The following NME7 variants were observed in gnomAD, a reference collection of about 807,000 sequenced individuals.
NME7 encodes nucleoside diphosphate kinase 7.
Under a neutral mutation model 49.1 loss-of-function variants are expected in NME7, and 41 were observed. The ratio of observed to expected loss-of-function variants is 0.83; its 90% CI spans 0.65 to 1.08. NME7 has a LOEUF of 1.08. Ranked by LOEUF, NME7 falls within the 50% of genes least tolerant of loss-of-function variation. The probability of loss-of-function intolerance (pLI) is 0.00; values close to 1 mark genes in which losing one functional copy is unlikely to be tolerated. For synonymous variants in NME7, 139 were observed against 150.6 expected (o/e 0.92, Z 0.56); for missense variants, 423 against 463.4 (o/e 0.91, Z 0.80).
intron 10 of NME7, among the ~76,000 whole-genome samples, chr1:169,214,009 T>C (rs1660906806): frequency 6.6e-6 from 1 of 152,110 alleles, no homozygotes; most frequent in Admixed American, 6.5e-5. Flanking sequence ...TTCTAGTATG[T>C]ACAAGCATAT....
intron 11 of NME7, among the ~76,000 whole-genome samples, chr1:169,136,644 G>T (rs34847919): frequency 0.11 from 17,127 of 152,210 alleles, 2,197 homozygotes; most frequent in East Asian, 0.73. Flanking sequence ...TGCCATTCAT[G>T]TAACATATTC....
chr1:169,164,587 T>C (rs1002437134), intron 11 of NME7, among the ~76,000 whole-genome samples: 5 of 152,146 alleles, frequency 3.3e-5, no homozygotes, highest in East Asian at 1.9e-4. Context: ...TACACCACTA[T>C]AGTATAGGAA....
In NME7 at chr1:169,197,177, T is replaced by C. The variant is rs541776927; in HGVS notation, c.991-27623A>G. On this transcript the variant is annotated intron_variant, in intron 10 of 11. Coordinates refer to ENST00000367811, the MANE Select transcript of NME7 (RefSeq NM_013330.5). ...GCCTTAGGACCAAAATGAAATGTTC[T>C]ATATTTAACTGCTTTATAAATTGAA... is the stretch of plus-strand genomic sequence containing the variant. Among the ~76,000 whole-genome samples the C allele has an allele frequency of 2.0e-5, 3 of 152,302 alleles. No individual in the cohort carries two copies. The East Asian group carries it at 5.8e-4, about 29-fold the overall frequency.
At chr1:169,244,118 T>G (rs1412482182) in intron 7 of NME7, among the ~76,000 whole-genome samples, 1 of 152,186 alleles carries the variant, frequency 6.6e-6, no homozygotes, top group African/African-American at 2.4e-5. Context: ...GAATATATAC[T>G]ATAAAATCTT....
Position 169,275,074 on chromosome 1 carries a change from C to T in NME7, c.754+12229G>A, listed in dbSNP as rs1300257969. Among the ~76,000 whole-genome samples the T allele has an allele frequency of 1.5e-5, 2 of 132,638 alleles. 1 individual carries two copies. Among genetic ancestry groups the T allele is most frequent in the Non-Finnish European group, 3.5e-5 (2 of 56,668 alleles). The allele number at this position is 132,638 out of a possible 152,430, so 87.0% of individuals were successfully genotyped here. On this transcript the variant is annotated intron_variant, in intron 7 of 11. Transcript: ENST00000367811. The stretch of plus-strand genomic sequence containing the variant: ...ACCTTAGGCAGTATGGCCATTTTCA[C>T]GATATTGATTCTTCCCACCCATGAG...
chr1:169,290,525 A>G (rs566795949), intron 6 of NME7, among the ~76,000 whole-genome samples: 1 of 152,312 alleles, frequency 6.6e-6, no homozygotes, highest in Non-Finnish European at 1.5e-5. Flanking sequence ...CAAGATGGAT[A>G]AAGACATAAA....
intron 11 of NME7, among the ~76,000 whole-genome samples, chr1:169,154,846 TTAAA>T: frequency 6.6e-6 from 1 of 152,062 alleles, no homozygotes; most frequent in East Asian, 1.9e-4. Flanking sequence ...TTAGTCCTAG[TTAAA>T]TAAATATTTT....
intron 10 of NME7, among the ~76,000 whole-genome samples, chr1:169,201,175 A>G (rs890834072): frequency 6.6e-6 from 1 of 152,046 alleles, no homozygotes; most frequent in South Asian, 2.1e-4. Flanking sequence ...AGGCTGTAGC[A>G]AGCTATGATA....
At chr1:169,331,018 AAAC>A (rs1353079896) in intron 1 of NME7, among the ~76,000 whole-genome samples, 1 of 152,180 alleles carries the variant, frequency 6.6e-6, no homozygotes, top group African/African-American at 2.4e-5. Context: ...TAAATAAATA[AAAC>A]TACAGGTCAA....
intron 7 of NME7, among the ~76,000 whole-genome samples, chr1:169,275,542 T>C (rs1272029158): frequency 7.8e-6 from 1 of 128,286 alleles, no homozygotes; most frequent in African/African-American, 2.6e-5. Context: ...TTTTGTATCC[T>C]GAGACTTTGC....
intron 6 of NME7, among the ~76,000 whole-genome samples, chr1:169,291,646 T>TATAATAATA (rs36042457): frequency 1.3e-4 from 20 of 149,482 alleles, no homozygotes; most frequent in Middle Eastern, 3.4e-3. Flanking sequence ...GAACTTAAAG[T>TATAATAATA]ATAATAATAA....
intron 3 of NME7, among the ~76,000 whole-genome samples, chr1:169,321,190 CT>C (rs1220458406): frequency 6.6e-6 from 1 of 152,150 alleles, no homozygotes; most frequent in African/African-American, 2.4e-5. Context: ...CAAACTCCAT[CT>C]CTAGCAAAAT....
chr1:169,135,670 G>GATAA (rs1411624055), intron 11 of NME7, among the ~76,000 whole-genome samples: 1 of 152,104 alleles, frequency 6.6e-6, no homozygotes, highest in African/African-American at 2.4e-5. Flanking sequence ...TCAAGAAATA[G>GATAA]ATAAGCCTGT....
chr1:169,279,040 T>C (rs531943064), intron 7 of NME7, among the ~76,000 whole-genome samples: 16 of 152,294 alleles, frequency 1.1e-4, no homozygotes, highest in African/African-American at 3.1e-4. Context: ...ATTGTTCCTC[T>C]TGAAGTTTTG....
Position 169,351,846 on chromosome 1 carries a change from C to T in NME7, c.3+15862G>A, listed in dbSNP as rs186774982. Among the ~76,000 whole-genome samples, 11 of 151,978 alleles carry T rather than the reference C, an allele frequency of 7.2e-5. No homozygotes were observed. In the East Asian group the frequency reaches 2.1e-3, roughly 29 times the overall value. On this transcript the variant is annotated intron_variant, in intron 1 of 11. Coordinates refer to ENST00000367811, the MANE Select transcript of NME7 (RefSeq NM_013330.5). ...TGTAAAAAATCAAAAACTTCCTACA[C>T]ACATAAAACCTACCAAGATTGAACT... is the stretch of plus-strand genomic sequence containing the variant.
At chr1:169,235,586 T>C (rs1310243207) in intron 8 of NME7, among the ~76,000 whole-genome samples, 2 of 152,118 alleles carry the variant, frequency 1.3e-5, no homozygotes, top group Non-Finnish European at 2.9e-5. Flanking sequence ...CACCTCTCTC[T>C]GAATAAAACC....
At chr1:169,138,612 G>T (rs1658500548) in intron 11 of NME7, among the ~76,000 whole-genome samples, 1 of 152,106 alleles carries the variant, frequency 6.6e-6, no homozygotes, top group Admixed American at 6.6e-5. Context: ...CCAGCCGCTT[G>T]GGAGGCTGAG....
At chr1:169,287,494 A>G in intron 6 of NME7, 86 bp from the exon 7 acceptor site, 1 of 955,760 alleles carries the variant, frequency 1.0e-6, no homozygotes, top group Non-Finnish European at 1.5e-6. Context: ...AGAATCATGC[A>G]ATTACTTTTA....
In NME7 at chr1:169,352,956, T is replaced by C. The variant is rs534898425; in HGVS notation, c.3+14752A>G. Among the ~76,000 whole-genome samples the C allele has an allele frequency of 2.0e-3, 298 of 152,166 alleles. 4 individuals are homozygous for C. Among genetic ancestry groups the C allele is most frequent in the African/African-American group, 7.0e-3 (289 of 41,540 alleles). Reference sequence around the variant, plus strand: ...TGTTTATGGAAAGAATCAATATTGTTAAAATGTCCATACTACCTAAAGCAA... The same window carrying C: ...TGTTTATGGAAAGAATCAATATTGTCAAAATGTCCATACTACCTAAAGCAA... On this transcript the variant is annotated intron_variant, in intron 1 of 11. Coordinates refer to ENST00000367811, the MANE Select transcript of NME7 (RefSeq NM_013330.5).
Sources: allele counts gnomAD v4.1 joint callset (sites outside exome capture counted in the v4.1 genomes callset), GRCh38; gene constraint gnomAD v4.1.1; transcripts MANE v1.5; gene names NCBI Gene and HGNC (gene_info 2026-07-23, HGNC 2026-07-21).